Variants in ZFP1 observed in about 807,000 individuals in gnomAD.
ZFP1 encodes ZFP1 zinc finger protein.
In ZFP1, 32 loss-of-function variants were observed where a neutral mutation model predicts 38.5. That is an observed-to-expected ratio of 0.83 (90% CI 0.63 to 1.12). The LOEUF is 1.12. Among genes scored for constraint, ZFP1 ranks in the 50% most tolerant of loss-of-function variants. ZFP1 has a pLI of 0.00. For missense variants in ZFP1, 616 were observed against 480.8 expected, an observed-to-expected ratio of 1.28 and a Z score of -2.63; for synonymous variants, 245 against 168.8, an observed-to-expected ratio of 1.45 and a Z score of -3.50.
the ZFP1 span, among the ~76,000 whole-genome samples, chr16:75,123,884 A>G: frequency 5.3e-5 from 8 of 151,806 alleles, no homozygotes; most frequent in Non-Finnish European, 1.0e-4. Context: ...AAGGTCAGGA[A>G]ATCAAGACCA....
intron 1 of ZFP1, among the ~76,000 whole-genome samples, chr16:75,150,566 G>A (rs2037147365): frequency 6.6e-6 from 1 of 152,118 alleles, no homozygotes; most frequent in South Asian, 2.1e-4. Flanking sequence ...GATTTGGTCA[G>A]AATACTGTGT....
chr16:75,164,868 C>T (rs369432172), intron 2 of ZFP1, among the ~76,000 whole-genome samples: 1 of 151,712 alleles, frequency 6.6e-6, no homozygotes, highest in African/African-American at 2.4e-5. Flanking sequence ...TGCAATGGCA[C>T]GATCTCGACT....
the ZFP1 span, among the ~76,000 whole-genome samples, chr16:75,128,636 T>C: frequency 6.6e-6 from 1 of 152,338 alleles, no homozygotes; most frequent in South Asian, 2.1e-4. Context: ...TTCAAATTTT[T>C]CCTTCTTTTT....
intron 2 of ZFP1, among the ~76,000 whole-genome samples, chr16:75,155,975 G>A (rs1254920484): frequency 2.0e-5 from 3 of 151,970 alleles, no homozygotes; most frequent in African/African-American, 4.8e-5. Flanking sequence ...AGATGCATCC[G>A]TGGGCCCTTT....
chr16:75,157,929 G>C (rs1042006593), intron 2 of ZFP1, among the ~76,000 whole-genome samples: 1 of 151,614 alleles, frequency 6.6e-6, no homozygotes, highest in Non-Finnish European at 1.5e-5. Context: ...CTACAGGCGT[G>C]TACCACCATG....
chr16:75,161,846 A>G (rs1020095012), intron 2 of ZFP1, among the ~76,000 whole-genome samples: 4 of 128,118 alleles, frequency 3.1e-5, no homozygotes, highest in Admixed American at 1.8e-4. Context: ...ATGCAGTAGC[A>G]CGATCTAGGC....
In ZFP1 at chr16:75,160,656, C is replaced by CA. The variant is rs71158584; in HGVS notation, c.16-6095dup. ...TCTGGGTGACAAAGCGAGACTGCCT[C>CA]AAAAAAAAAAAAAAAAAAAGGAAGA... On this transcript the variant is annotated intron_variant, in intron 2 of 3. Coordinates refer to ENST00000570010, the MANE Select transcript of ZFP1 (RefSeq NM_153688.4). Among the ~76,000 whole-genome samples, 779 of 101,534 alleles carry CA rather than the reference C, an allele frequency of 7.7e-3. 21 individuals are homozygous for CA. Among genetic ancestry groups the CA allele is most frequent in the Admixed American group, 0.04 (396 of 9,828 alleles). 66.6% of individuals were successfully genotyped at this position (101,534 alleles called of 152,430 possible). A position where few individuals can be genotyped will look rare whatever the true frequency, so the allele number is the denominator to read the frequency against.
intron 2 of ZFP1, among the ~76,000 whole-genome samples, chr16:75,164,179 G>C (rs1390759269): frequency 1.3e-5 from 2 of 152,076 alleles, no homozygotes; most frequent in Non-Finnish European, 2.9e-5. Context: ...ATTGAAGTTT[G>C]TGTTGTTTTT....
chr16:75,167,073 T>C (rs1359084467), intron 3 of ZFP1, among the ~76,000 whole-genome samples, 177 bp downstream of exon 3: 1 of 152,256 alleles, frequency 6.6e-6, no homozygotes, highest in Non-Finnish European at 1.5e-5. Context: ...TTAAGGCTTC[T>C]GAAGTCCAGG....
chr16:75,142,861 C>A, the ZFP1 span, among the ~76,000 whole-genome samples: 2 of 152,010 alleles, frequency 1.3e-5, no homozygotes, highest in African/African-American at 4.8e-5. Context: ...ATCACCACAC[C>A]CAGCTAATTT....
rs746623315 is a variant in ZFP1, at chr16:75,170,062, C to G, written c.952C>G (p.His318Asp). ...KSNLIIHQKI[H>D]TGEKRYECSE... Reference sequence around the variant, plus strand: ...AAACCTTATCATACATCAGAAGATTCACACGGGGGAGAAACGCTATGAGTG... The same window carrying G: ...AAACCTTATCATACATCAGAAGATTGACACGGGGGAGAAACGCTATGAGTG... The change falls in exon 4 of 4, where the codon CAC (histidine) becomes GAC (aspartate). Residue 318 changes from histidine to aspartate, a missense_variant. Coordinates refer to ENST00000570010, the MANE Select transcript of ZFP1 (RefSeq NM_153688.4). The G allele has an allele frequency of 1.2e-6, 2 of 1,614,056 alleles. No homozygotes were observed. Among genetic ancestry groups the G allele is most frequent in the African/African-American group, 2.7e-5 (2 of 74,920 alleles).
chr16:75,144,972 G>T (rs1376856911), upstream of ZFP1, among the ~76,000 whole-genome samples: 1 of 152,176 alleles, frequency 6.6e-6, no homozygotes, highest in Non-Finnish European at 1.5e-5. Flanking sequence ...TGGGGCCACA[G>T]GCACATGCCA....
At chr16:75,142,984 G>C in the ZFP1 span, among the ~76,000 whole-genome samples, 1 of 152,114 alleles carries the variant, frequency 6.6e-6, no homozygotes, top group Non-Finnish European at 1.5e-5. Context: ...TTACAGGCCT[G>C]AGCCACTGCA....
chr16:75,153,032 A>C, intron 2 of ZFP1, 66 bp downstream of exon 2: 1 of 1,585,238 alleles, frequency 6.3e-7, no homozygotes, highest in Non-Finnish European at 8.6e-7. Context: ...AAGGATCCAG[A>C]AAATGAAATA....
At chr16:75,122,608 TAATA>T in the ZFP1 span, among the ~76,000 whole-genome samples, 1 of 152,248 alleles carries the variant, frequency 6.6e-6, no homozygotes, top group Non-Finnish European at 1.5e-5. Context: ...AACAAATCTT[TAATA>T]AATAAGACAT....
the ZFP1 span, among the ~76,000 whole-genome samples, chr16:75,131,264 G>A: frequency 6.6e-6 from 1 of 152,164 alleles, no homozygotes; most frequent in Non-Finnish European, 1.5e-5. Flanking sequence ...ATGGGATGGG[G>A]TTGGGCAGTG....
At chr16:75,145,479 A>T (rs1308730157), upstream of ZFP1, among the ~76,000 whole-genome samples, 2 of 152,122 alleles carry the variant, frequency 1.3e-5, no homozygotes, top group African/African-American at 4.8e-5. Context: ...TCCTGTTTTC[A>T]CGCCTGTACG....
chr16:75,122,254 G>C, the ZFP1 span, among the ~76,000 whole-genome samples: 3 of 152,294 alleles, frequency 2.0e-5, no homozygotes, highest in Non-Finnish European at 4.4e-5. Context: ...GGGTTGGACC[G>C]CACAGTCTAA....
chr16:75,170,526 C>A lies in ZFP1; in HGVS notation c.*192C>A, dbSNP rs546875723. 1.5e-4 allele frequency: 123 copies of A among 808,732 alleles called. No homozygotes were observed. In the African/African-American group the frequency reaches 1.8e-3, roughly 12 times the overall value. The allele number at this position is 808,732 out of a possible 1,614,324, so 50.1% of individuals were successfully genotyped here. On this transcript the variant is annotated 3_prime_UTR_variant, in exon 4 of 4. Transcript: ENST00000570010. ...ACATGTGATACCCAGCTAAAGAATA[C>A]ATATCAGAATATATCCAGTTGTAAA...
Sources: gnomAD v4.1 joint callset for allele counts (sites outside exome capture counted in the v4.1 genomes callset) on GRCh38, gnomAD v4.1.1 for gene constraint, MANE v1.5 for transcripts, NCBI Gene and HGNC (gene_info 2026-07-23, HGNC 2026-07-21) for gene names.